Variants in OGDH observed in about 807,000 individuals in gnomAD.
OGDH encodes oxoglutarate dehydrogenase.
Under a neutral mutation model 116.6 loss-of-function variants are expected in OGDH, and 38 were observed. The observed-to-expected ratio is 0.33, with a 90% confidence interval of 0.25 to 0.43. OGDH has a LOEUF of 0.43. OGDH is among the 20% of genes least tolerant of loss of function. The pLI is 1.00. For missense variants in OGDH, 825 were observed against 1,357.2 expected, an observed-to-expected ratio of 0.61 and a Z score of 6.16; for synonymous variants, 488 against 533.3, an observed-to-expected ratio of 0.92 and a Z score of 1.17.
chr7:44,628,925 A>T (rs1785310980), intron 2 of OGDH, among the ~76,000 whole-genome samples: 1 of 151,996 alleles, frequency 6.6e-6, no homozygotes, highest in Non-Finnish European at 1.5e-5. Context: ...CCCATCTGCC[A>T]TCTCCCTTTT....
intron 1 of OGDH, among the ~76,000 whole-genome samples, chr7:44,623,683 G>T (rs974254650): frequency 1.1e-5 from 1 of 91,796 alleles, no homozygotes; most frequent in Non-Finnish European, 3.0e-5. Flanking sequence ...GTCTCACTCT[G>T]TTGCTAGGCT....
rs751598005 is a variant in OGDH, at chr7:44,708,031, T to TCTCCACACCCATGACTGCCCC, written c.*33_*53dup. 1.2e-6 allele frequency: 2 copies of TCTCCACACCCATGACTGCCCC among 1,603,022 alleles called. No individual in the cohort carries two copies. Among genetic ancestry groups the TCTCCACACCCATGACTGCCCC allele is most frequent in the Non-Finnish European group, 1.7e-6 (2 of 1,176,538 alleles). On this transcript the variant is annotated 3_prime_UTR_variant, in exon 23 of 23. Transcript: ENST00000222673. ...CCTAGGGTTGCTTGGGCCACTGCCC[T>TCTCCACACCCATGACTGCCCC]CTCCACACCCATGACTGCCCCTTGC...
At chr7:44,676,947 G>A (rs879464795) in intron 9 of OGDH, among the ~76,000 whole-genome samples, 43 of 152,086 alleles carry the variant, frequency 2.8e-4, no homozygotes, top group Non-Finnish European at 5.6e-4. Context: ...GGTAGGAGAC[G>A]GAGGAGGGCA....
chr7:44,676,004 A>G lies in OGDH; in HGVS notation c.1061A>G (p.Tyr354Cys), dbSNP rs1228868972. The change falls in exon 9 of 23, where the codon TAT becomes TGT. Residue 354 changes from tyrosine to cysteine, a missense_variant. Tyr to Cys is a radical substitution (Grantham distance 194). Coordinates refer to ENST00000222673, the MANE Select transcript of OGDH (RefSeq NM_002541.4). ...SGDVKYHLGM[Y>C]HRRINRVTDR... is the part of the protein sequence containing the mutation. The stretch of plus-strand genomic sequence containing the variant: ...GATGTGAAGTACCACCTGGGCATGT[A>G]TCACCGCAGGATCAATCGTGTCACC... The G allele has an allele frequency of 1.9e-6, 3 of 1,613,958 alleles. No homozygotes were observed. The highest frequency in any genetic ancestry group is 2.5e-6 in the Non-Finnish European group (3 of 1,180,030).
chr7:44,681,805 C>G lies in OGDH; in HGVS notation c.1292C>G (p.Ser431Cys). 5 of 1,614,132 alleles carry G rather than the reference C, an allele frequency of 3.1e-6. No individual in the cohort carries two copies. The highest frequency in any genetic ancestry group is 4.2e-6 in the Non-Finnish European group (5 of 1,180,020). Residue 431 changes from serine (S) to cysteine (C), a missense_variant, in exon 10 of 23, where the codon TCC becomes TGC. By Grantham distance (112) the Ser-to-Cys change is moderately radical. Around this residue, in one of 7 missense-constraint regions of OGDH, gnomAD observed 146 missense variants for 317.3 expected, o/e 0.46. Transcript: ENST00000222673. The stretch of plus-strand genomic sequence containing the variant: ...ACCTTCCACCTCAGCGACCTGCCAT[C>G]CTACACAACTCATGGCACCGTGCAC... ...YETFHLSDLP[S>C]YTTHGTVHVV...
intron 20 of OGDH, among the ~76,000 whole-genome samples, chr7:44,706,885 A>G (rs1789103794): frequency 6.6e-6 from 1 of 151,954 alleles, no homozygotes; most frequent in Non-Finnish European, 1.5e-5. Context: ...CAGCTTCCCA[A>G]AGTGCTAGGA....
At chr7:44,688,106 C>T (rs1451961074) in intron 10 of OGDH, among the ~76,000 whole-genome samples, 1 of 152,038 alleles carries the variant, frequency 6.6e-6, no homozygotes, top group Non-Finnish European at 1.5e-5. Context: ...CATGGTGGCT[C>T]ACACCTGTAA....
chr7:44,621,655 T>A (rs1295021), intron 1 of OGDH, among the ~76,000 whole-genome samples: 1 of 151,878 alleles, frequency 6.6e-6, no homozygotes, highest in Non-Finnish European at 1.5e-5. Flanking sequence ...GGGCAGATCA[T>A]GAGGTCAGGA....
chr7:44,698,407 C>A, intron 18 of OGDH, 144 bp downstream of exon 18: 1 of 800,248 alleles, frequency 1.2e-6, no homozygotes, highest in Middle Eastern at 3.7e-4. Context: ...CGTGAGTGGA[C>A]AGGTGTGGCC....
chr7:44,680,539 TACACACACACACAC>T (rs56718274), intron 9 of OGDH, among the ~76,000 whole-genome samples: 10 of 145,940 alleles, frequency 6.9e-5, no homozygotes, highest in South Asian at 2.2e-4. Flanking sequence ...TTTTATTGCA[TACACACACACACAC>T]ACACACACAC....
chr7:44,700,099 G>C (rs1211399417), intron 18 of OGDH, 42 bp from the exon 19 acceptor site: 3 of 1,611,022 alleles, frequency 1.9e-6, no homozygotes, highest in Admixed American at 1.7e-5. Flanking sequence ...AGAAGACTCA[G>C]TGCTGTGTCC....
intron 5 of OGDH, among the ~76,000 whole-genome samples, chr7:44,667,108 C>T (rs781710278): frequency 1.3e-5 from 2 of 152,020 alleles, no homozygotes; most frequent in African/African-American, 4.8e-5. Context: ...CCATGCCCAG[C>T]TAATTTTTTT....
intron 5 of OGDH, among the ~76,000 whole-genome samples, chr7:44,667,929 C>T (rs1431535641): frequency 6.6e-6 from 1 of 152,146 alleles, no homozygotes; most frequent in African/African-American, 2.4e-5. Context: ...GGTTGAACCA[C>T]ACTGGCCATC....
chr7:44,691,945 G>T (rs1268791195), intron 10 of OGDH, among the ~76,000 whole-genome samples: 1 of 137,786 alleles, frequency 7.3e-6, no homozygotes, highest in East Asian at 2.3e-4. Context: ...GTGCACCACT[G>T]CACTCCAGCC....
At chr7:44,614,118 T>A (rs1784675437) in intron 1 of OGDH, among the ~76,000 whole-genome samples, 1 of 151,960 alleles carries the variant, frequency 6.6e-6, no homozygotes, top group Admixed American at 6.6e-5. Context: ...GCTGTCTTTT[T>A]AAAATTTTTA....
intron 4 of OGDH, among the ~76,000 whole-genome samples, chr7:44,663,245 C>T (rs947554925): frequency 6.6e-6 from 1 of 152,134 alleles, no homozygotes; most frequent in African/African-American, 2.4e-5. Context: ...TAAAAAAATT[C>T]TATTTGGTAC....
At chr7:44,698,911 C>T (rs555840710) in intron 18 of OGDH, among the ~76,000 whole-genome samples, 9 of 151,872 alleles carry the variant, frequency 5.9e-5, no homozygotes, top group Non-Finnish European at 1.3e-4. Context: ...TTTGGGAGGC[C>T]CAGGCAGGCG....
chr7:44,701,728 C>G (rs1788839678), intron 20 of OGDH, 113 bp downstream of exon 20: 1 of 1,098,022 alleles, frequency 9.1e-7, no homozygotes, highest in Admixed American at 2.0e-5. Context: ...CTGGCTCTTG[C>G]CAGATTTTTG....
Position 44,698,176 on chromosome 7 carries a change from G to C in OGDH, c.2359-16G>C. The stretch of plus-strand genomic sequence containing the variant: ...CGCAAGAGCTCTTAAACTGTAACTT[G>C]CGTGTGTGGTTCCAGGGTCCAGAAC... On this transcript the variant is annotated splice_polypyrimidine_tract_variant and intron_variant, in intron 17 of 22. Transcript: ENST00000222673. The C allele has an allele frequency of 6.2e-7, 1 of 1,614,180 alleles. No individual in the cohort carries two copies. Among genetic ancestry groups the C allele is most frequent in the Non-Finnish European group, 8.5e-7 (1 of 1,180,008 alleles).
Sources: gnomAD v4.1 joint callset for allele counts (sites outside exome capture counted in the v4.1 genomes callset) on GRCh38, gnomAD v4.1.1 for gene constraint, gnomAD v4.1.1 regional missense constraint, MANE v1.5 for transcripts, NCBI Gene and HGNC (gene_info 2026-07-23, HGNC 2026-07-21) for gene names.